Variants in NCAM1 observed in about 807,000 individuals in gnomAD.
NCAM1 encodes antigen recognized by monoclonal antibody 5.1H11.
A neutral mutation model predicts 109.8 loss-of-function variants in NCAM1; 14 were observed. That is an observed-to-expected ratio of 0.13 (90% CI 0.08 to 0.20). The LOEUF is 0.20. NCAM1 is among the 10% of genes least tolerant of loss of function. NCAM1 has a pLI of 1.00. For synonymous variants in NCAM1, 418 were observed against 442.9 expected (o/e 0.94, Z 0.70); for missense variants, 774 against 1,109.9 (o/e 0.70, Z 4.30).
At chr11:113,262,079 G>A (rs181078659) in intron 17 of NCAM1, among the ~76,000 whole-genome samples, 1 of 152,188 alleles carries the variant, frequency 6.6e-6, no homozygotes, top group African/African-American at 2.4e-5. Flanking sequence ...TGTGTTCTCG[G>A]TTAGACTTTC....
chr11:113,211,267 C>T (rs1944385017), intron 7 of NCAM1, among the ~76,000 whole-genome samples: 1 of 152,102 alleles, frequency 6.6e-6, no homozygotes, highest in Admixed American at 6.6e-5. Flanking sequence ...GTAGAGTCTA[C>T]AGCAGTGAGG....
chr11:113,098,862 G>A (rs11214487), intron 1 of NCAM1, among the ~76,000 whole-genome samples: 11,097 of 152,158 alleles, frequency 0.073, 771 homozygotes, highest in Admixed American at 0.17. Flanking sequence ...GGAATCAGAA[G>A]CATGGGAGAA....
chr11:113,143,169 G>A (rs1361662812), intron 1 of NCAM1, among the ~76,000 whole-genome samples: 2 of 151,592 alleles, frequency 1.3e-5, no homozygotes, highest in East Asian at 1.9e-4. Flanking sequence ...TTATCCCTCC[G>A]AAATGTATTA....
intron 1 of NCAM1, among the ~76,000 whole-genome samples, chr11:112,991,065 G>A (rs567245301): frequency 1.8e-3 from 276 of 152,082 alleles, no homozygotes; most frequent in South Asian, 8.3e-3. Flanking sequence ...CACGTGTTTT[G>A]CCATCTTACT....
chr11:113,236,504 C>T (rs1326150735), intron 14 of NCAM1, among the ~76,000 whole-genome samples: 1 of 152,192 alleles, frequency 6.6e-6, no homozygotes, highest in Non-Finnish European at 1.5e-5. Flanking sequence ...CTCCAAGAGG[C>T]TAACACTCTT....
intron 1 of NCAM1, among the ~76,000 whole-genome samples, chr11:112,992,857 T>A (rs4424705): frequency 0.26 from 40,006 of 152,086 alleles, 5,759 homozygotes; most frequent in East Asian, 0.53. Flanking sequence ...CATATTAATG[T>A]ATAAGCAAAT....
In NCAM1 at chr11:113,126,436, C is replaced by T. The variant is rs115891720; in HGVS notation, c.53-75943C>T. Among the ~76,000 whole-genome samples the T allele has an allele frequency of 2.2e-3, 330 of 152,202 alleles. 2 individuals carry two copies. The highest frequency in any genetic ancestry group is 7.5e-3 in the African/African-American group (311 of 41,548). ...TGAACCCAAGGTACAGAGTTCTCCA[C>T]GTTGCCTCCATCCCAGGGTGGGCCT... On this transcript the variant is annotated intron_variant, in intron 1 of 19. Transcript: ENST00000316851.
chr11:113,111,204 A>C (rs11826764), intron 1 of NCAM1, among the ~76,000 whole-genome samples: 10,920 of 152,186 alleles, frequency 0.072, 757 homozygotes, highest in Admixed American at 0.17. Context: ...TATTTAAACA[A>C]AGCATTTGTT....
chr11:113,066,766 C>T (rs888861233), intron 1 of NCAM1, among the ~76,000 whole-genome samples: 20 of 152,012 alleles, frequency 1.3e-4, no homozygotes, highest in Non-Finnish European at 2.5e-4. Context: ...TTTGGGAGGC[C>T]GAGGCGGGTG....
At chr11:113,124,547 G>C (rs1406024575) in intron 1 of NCAM1, among the ~76,000 whole-genome samples, 2 of 152,210 alleles carry the variant, frequency 1.3e-5, no homozygotes, top group African/African-American at 4.8e-5. Context: ...ACAGTCACAA[G>C]ATATTTCTGA....
intron 15 of NCAM1, among the ~76,000 whole-genome samples, chr11:113,251,879 C>T (rs1190887382): frequency 3.9e-5 from 6 of 152,208 alleles, no homozygotes; most frequent in African/African-American, 1.4e-4. Context: ...TCCTGAATGG[C>T]AAGGTCCCTT....
At chr11:113,042,042 C>A (rs1235333708) in intron 1 of NCAM1, among the ~76,000 whole-genome samples, 1 of 152,136 alleles carries the variant, frequency 6.6e-6, no homozygotes, top group Non-Finnish European at 1.5e-5. Flanking sequence ...CTTGTCACTC[C>A]CGCCTCCCTC....
chr11:113,093,608 G>A (rs1448493514), intron 1 of NCAM1, among the ~76,000 whole-genome samples: 1 of 152,182 alleles, frequency 6.6e-6, no homozygotes, highest in Non-Finnish European at 1.5e-5. Context: ...CCCTTTGAAA[G>A]TTTACGAACG....
chr11:113,191,755 ATGTG>A (rs535004308), intron 1 of NCAM1, among the ~76,000 whole-genome samples: 12 of 134,552 alleles, frequency 8.9e-5, no homozygotes, highest in East Asian at 4.4e-4. Context: ...ATGTGTGTAT[ATGTG>A]TGTGTGTGTG....
intron 1 of NCAM1, 35 bp from the exon 2 acceptor site, chr11:113,202,342 GTT>G (rs374829054): frequency 8.8e-7 from 1 of 1,142,120 alleles, no homozygotes. Context: ...GTTTTTTTTT[GTT>G]TTTTGTTTTG....
At chr11:112,985,850 T>C (rs1236139564) in intron 1 of NCAM1, among the ~76,000 whole-genome samples, 1 of 151,936 alleles carries the variant, frequency 6.6e-6, no homozygotes, top group Non-Finnish European at 1.5e-5. Flanking sequence ...TACCTGCAAA[T>C]AGTAACAGTT....
intron 8 of NCAM1, among the ~76,000 whole-genome samples, chr11:113,217,967 C>A (rs983822719): frequency 3.9e-5 from 6 of 152,182 alleles, no homozygotes; most frequent in African/African-American, 1.4e-4. Context: ...TTGAGAATGA[C>A]TGTTTGAGTC....
At chr11:113,176,680 A>G (rs575721555) in intron 1 of NCAM1, among the ~76,000 whole-genome samples, 7 of 152,182 alleles carry the variant, frequency 4.6e-5, no homozygotes, top group Non-Finnish European at 1.0e-4. Flanking sequence ...GTTACATCCT[A>G]AGATATGAGA....
intron 1 of NCAM1, among the ~76,000 whole-genome samples, chr11:113,075,899 G>A (rs1367841241): frequency 1.3e-5 from 2 of 152,326 alleles, no homozygotes; most frequent in East Asian, 1.9e-4. Flanking sequence ...CTTGGCCAAT[G>A]GCCTGTGCTT....
Sources: gnomAD v4.1 joint callset for allele counts (sites outside exome capture counted in the v4.1 genomes callset) on GRCh38, gnomAD v4.1.1 for gene constraint, MANE v1.5 for transcripts, NCBI Gene and HGNC (gene_info 2026-07-23, HGNC 2026-07-21) for gene names.